The following MLIP variants were observed in gnomAD, a reference collection of about 807,000 sequenced individuals.
The protein encoded by MLIP is muscular LMNA-interacting protein.
Under a neutral mutation model 84.8 loss-of-function variants are expected in MLIP, and 79 were observed. That is an observed-to-expected ratio of 0.93 (90% CI 0.78 to 1.12). The LOEUF is 1.12. MLIP is among the 50% of genes most tolerant of loss of function. The pLI is 0.00. For missense variants in MLIP, 1,257 were observed against 1,160.6 expected, an observed-to-expected ratio of 1.08 and a Z score of -1.21; for synonymous variants, 504 against 463.0, an observed-to-expected ratio of 1.09 and a Z score of -1.14.
intron 1 of MLIP, among the ~76,000 whole-genome samples, chr6:54,034,619 A>C (rs1448582455): frequency 6.6e-6 from 1 of 152,202 alleles, no homozygotes; most frequent in Non-Finnish European, 1.5e-5. Flanking sequence ...CTTTTTGTAT[A>C]GCTGTACAAT....
chr6:54,086,322 C>A (rs1396522377), intron 1 of MLIP, among the ~76,000 whole-genome samples: 2 of 151,994 alleles, frequency 1.3e-5, no homozygotes, highest in African/African-American at 4.8e-5. Flanking sequence ...TCTAAAAGAC[C>A]CCTCCCACCT....
At chr6:54,075,758 T>G (rs1766765562) in intron 1 of MLIP, among the ~76,000 whole-genome samples, 1 of 152,222 alleles carries the variant, frequency 6.6e-6, no homozygotes, top group African/African-American at 2.4e-5. Context: ...CCATATGGGC[T>G]CCTGGTCTCT....
At chr6:54,135,320 G>A (rs550692898) in intron 3 of MLIP, among the ~76,000 whole-genome samples, 91 of 152,090 alleles carry the variant, frequency 6.0e-4, no homozygotes, top group African/African-American at 2.0e-3. Context: ...ATATATTCAG[G>A]TGTTATTTAT....
chr6:54,138,561 C>T (rs1370705226), intron 4 of MLIP, among the ~76,000 whole-genome samples: 1 of 151,992 alleles, frequency 6.6e-6, no homozygotes, highest in Admixed American at 6.6e-5. Flanking sequence ...ATTATTTTTC[C>T]TCAGACATAA....
intron 1 of MLIP, among the ~76,000 whole-genome samples, chr6:54,118,622 A>G (rs957359054): frequency 1.3e-5 from 2 of 152,252 alleles, no homozygotes; most frequent in Admixed American, 1.3e-4. Context: ...TTTTTTGGAT[A>G]TGACTTCAAA....
intron 1 of MLIP, among the ~76,000 whole-genome samples, chr6:54,042,396 CT>C (rs1161086032): frequency 1.3e-5 from 2 of 151,970 alleles, no homozygotes; most frequent in African/African-American, 4.8e-5. Flanking sequence ...CTCCCTCCAC[CT>C]TTTTCTTCTT....
chr6:54,091,343 A>T (rs746632273), intron 1 of MLIP, among the ~76,000 whole-genome samples: 2 of 152,208 alleles, frequency 1.3e-5, no homozygotes, highest in Non-Finnish European at 2.9e-5. Context: ...CCACTTAATT[A>T]AATATGGAAA....
At chr6:54,201,772 G>T (rs2150713522) in intron 10 of MLIP, among the ~76,000 whole-genome samples, 1 of 152,286 alleles carries the variant, frequency 6.6e-6, no homozygotes, top group Middle Eastern at 3.4e-3. Flanking sequence ...CCAGAATGCT[G>T]CCTGACACAG....
At chr6:54,039,406 T>C (rs577634049) in intron 1 of MLIP, among the ~76,000 whole-genome samples, 11 of 151,950 alleles carry the variant, frequency 7.2e-5, no homozygotes, top group Non-Finnish European at 1.6e-4. Flanking sequence ...AATGTATTAA[T>C]GGTCAAGGCT....
chr6:54,041,471 T>C (rs1463738800), intron 1 of MLIP, among the ~76,000 whole-genome samples: 4 of 152,108 alleles, frequency 2.6e-5, no homozygotes, highest in East Asian at 3.8e-4. Flanking sequence ...CATATAAGTA[T>C]ATGATTAACT....
intron 12 of MLIP, among the ~76,000 whole-genome samples, chr6:54,247,611 G>T (rs9382311): frequency 6.6e-6 from 1 of 152,078 alleles, no homozygotes; most frequent in Non-Finnish European, 1.5e-5. Flanking sequence ...CAACTTTGAA[G>T]TGTAGTTTGA....
Position 54,137,961 on chromosome 6 carries a change from T to C in MLIP, c.1892T>C (p.Leu631Pro). The change falls in exon 4 of 14, where the codon CTA (leucine) becomes CCA (proline). Residue 631 changes from leucine to proline, a missense_variant. By Grantham distance (98) the Leu-to-Pro change is moderately conservative. Transcript: ENST00000502396. ...AGATCTAAAAGAGCATCATCCCAAC[T>C]ATCTGGCCAGGAGCTGAATCCTTCA... ...INRSKRASSQ[L>P]SGQELNPSAL... 6.5e-7 allele frequency: 1 copy of C among 1,536,090 alleles called. No homozygotes were observed. The highest frequency in any genetic ancestry group is 8.7e-7 in the Non-Finnish European group (1 of 1,146,878).
chr6:54,027,413 A>G (rs1448502476), intron 1 of MLIP, among the ~76,000 whole-genome samples: 1 of 149,506 alleles, frequency 6.7e-6, no homozygotes, highest in African/African-American at 2.5e-5. Context: ...ACACACACAC[A>G]CACACACATA....
chr6:54,151,494 T>A (rs1418501796), intron 5 of MLIP, among the ~76,000 whole-genome samples: 1 of 152,166 alleles, frequency 6.6e-6, no homozygotes, highest in African/African-American at 2.4e-5. Context: ...CTTGAGGAAC[T>A]CTTCTATTTA....
intron 11 of MLIP, among the ~76,000 whole-genome samples, chr6:54,203,455 C>A (rs1447924475): frequency 1.3e-5 from 2 of 151,522 alleles, no homozygotes; most frequent in Non-Finnish European, 2.9e-5. Context: ...TAACAATATT[C>A]TTGAAAATAT....
At chr6:54,187,938 C>G (rs1305129019) in intron 9 of MLIP, among the ~76,000 whole-genome samples, 1 of 152,118 alleles carries the variant, frequency 6.6e-6, no homozygotes, top group Admixed American at 6.5e-5. Flanking sequence ...AACTGGGAGG[C>G]AGAGGTTGCA....
intron 9 of MLIP, among the ~76,000 whole-genome samples, chr6:54,184,433 G>A (rs1582430193): frequency 6.6e-6 from 1 of 152,114 alleles, no homozygotes; most frequent in African/African-American, 2.4e-5. Flanking sequence ...GAGTGATGCC[G>A]ACCAAAGGGA....
intron 4 of MLIP, among the ~76,000 whole-genome samples, chr6:54,147,274 C>T (rs9395907): frequency 0.011 from 1,662 of 152,240 alleles, 34 homozygotes; most frequent in African/African-American, 0.035. Flanking sequence ...AGTCATTTGA[C>T]CTCTGCTTTT....
At chr6:54,032,096 G>A (rs564215462) in intron 1 of MLIP, among the ~76,000 whole-genome samples, 1 of 152,230 alleles carries the variant, frequency 6.6e-6, no homozygotes, top group East Asian at 1.9e-4. Context: ...TGGAACAGGA[G>A]AGTTCTATTT....
Sources: allele counts gnomAD v4.1 joint callset (sites outside exome capture counted in the v4.1 genomes callset), GRCh38; gene constraint gnomAD v4.1.1; transcripts MANE v1.5; gene names NCBI Gene and HGNC (gene_info 2026-07-23, HGNC 2026-07-21).